Variants in KYNU observed in about 807,000 individuals in gnomAD.
The protein encoded by KYNU is L-kynurenine hydrolase.
Under a neutral mutation model 59.2 loss-of-function variants are expected in KYNU, and 54 were observed. The ratio of observed to expected loss-of-function variants is 0.91; its 90% CI spans 0.73 to 1.14. The LOEUF (loss-of-function observed/expected upper bound fraction) is 1.14, where lower values mean the gene tolerates loss of function less well. Among genes scored for constraint, KYNU ranks in the 50% most tolerant of loss-of-function variants. The probability of loss-of-function intolerance (pLI) is 0.00; values close to 1 mark genes in which losing one functional copy is unlikely to be tolerated. For synonymous variants in KYNU, 177 were observed against 192.0 expected, an observed-to-expected ratio of 0.92 and a Z score of 0.65; for missense variants, 567 against 554.4, an observed-to-expected ratio of 1.02 and a Z score of -0.23.
At chr2:143,041,503 C>CTA (rs1687059586) in intron 13 of KYNU, among the ~76,000 whole-genome samples, 1 of 151,992 alleles carries the variant, frequency 6.6e-6, no homozygotes, top group African/African-American at 2.4e-5. Flanking sequence ...CACACATAAA[C>CTA]TATATACTAT....
intron 2 of KYNU, among the ~76,000 whole-genome samples, chr2:142,887,009 A>G (rs559571489): frequency 6.6e-6 from 1 of 152,248 alleles, no homozygotes; most frequent in South Asian, 2.1e-4. Context: ...TCTCTACTAA[A>G]ACTACAAAAA....
Position 143,033,341 on chromosome 2 carries a change from A to G in KYNU, c.1041+20A>G, listed in dbSNP as rs149695101. ...TTAGAGGTAAGTGATGTGTGTTTCA[A>G]CCTTCCCACATCTTTGCGTTTTTTC... On this transcript the variant is annotated intron_variant, in intron 12 of 13. Transcript: ENST00000264170. 21 of 1,541,550 alleles carry G rather than the reference A, an allele frequency of 1.4e-5. No individual in the cohort carries two copies. The highest frequency in any genetic ancestry group is 1.1e-4 in the East Asian group (5 of 44,550).
intron 2 of KYNU, among the ~76,000 whole-genome samples, chr2:142,915,826 T>C (rs1305701019): frequency 6.6e-6 from 1 of 152,218 alleles, no homozygotes; most frequent in Admixed American, 6.5e-5. Context: ...TTATGTTCCC[T>C]AAAAATTCAT....
intron 8 of KYNU, among the ~76,000 whole-genome samples, chr2:142,964,326 C>G (rs1300752880): frequency 6.6e-6 from 1 of 151,992 alleles, no homozygotes; most frequent in East Asian, 1.9e-4. Context: ...ATTAGAATTC[C>G]TGAACCATAA....
intron 10 of KYNU, among the ~76,000 whole-genome samples, chr2:143,005,832 C>A (rs938052522): frequency 4.0e-5 from 6 of 151,890 alleles, no homozygotes; most frequent in African/African-American, 1.5e-4. Context: ...TTACAAAGAC[C>A]AGTCTGAATA....
At chr2:142,931,675 A>G (rs1195492272) in intron 4 of KYNU, among the ~76,000 whole-genome samples, 1 of 152,180 alleles carries the variant, frequency 6.6e-6, no homozygotes, top group African/African-American at 2.4e-5. Context: ...ATGAGGGCAA[A>G]AGGGAGATTT....
At chr2:142,888,692 G>C (rs1681598952) in intron 2 of KYNU, among the ~76,000 whole-genome samples, 1 of 151,724 alleles carries the variant, frequency 6.6e-6, no homozygotes, top group Non-Finnish European at 1.5e-5. Context: ...TGGTATCCTA[G>C]AGTTGGGTCA....
At chr2:142,877,981 C>T (rs1681154838) in intron 1 of KYNU, among the ~76,000 whole-genome samples, 1 of 152,116 alleles carries the variant, frequency 6.6e-6, no homozygotes, top group Admixed American at 6.6e-5. Context: ...AACTGATGAA[C>T]ATAGTGCACT....
intron 10 of KYNU, chr2:142,989,246 A>C (rs1465160849): frequency 5.2e-6 from 2 of 382,884 alleles, no homozygotes; most frequent in Non-Finnish European, 3.8e-6. Context: ...TCTATTTGCC[A>C]ATTAATAATT....
At chr2:143,013,818 C>G (rs1686179823) in intron 10 of KYNU, among the ~76,000 whole-genome samples, 2 of 152,172 alleles carry the variant, frequency 1.3e-5, no homozygotes, top group African/African-American at 4.8e-5. Flanking sequence ...AAGGGAGAGG[C>G]TTCGGACCCA....
chr2:143,034,338 G>A (rs77286525), intron 12 of KYNU, among the ~76,000 whole-genome samples: 6,086 of 151,946 alleles, frequency 0.04, 147 homozygotes, highest in Non-Finnish European at 0.051. Context: ...ATGATATTTT[G>A]GCAAAAACTT....
intron 8 of KYNU, among the ~76,000 whole-genome samples, chr2:142,970,095 A>G (rs1375257085): frequency 1.3e-5 from 2 of 152,212 alleles, no homozygotes; most frequent in African/African-American, 4.8e-5. Context: ...CAGAAAAAAA[A>G]TTCCCAATAA....
rs73961233 is a variant in KYNU, at chr2:142,973,582, T to A, written c.730-11502T>A. On this transcript the variant is annotated intron_variant, in intron 8 of 13. Coordinates refer to ENST00000264170, the MANE Select transcript of KYNU (RefSeq NM_003937.3). ...TGACCTTTGGGGTGTTTGCAGCAGC[T>A]TTCCCTCTAATTAAGAGCTTGCAAG... 3.2e-3 allele frequency among the ~76,000 whole-genome samples: 482 copies of A among 152,244 alleles called. 3 individuals are homozygous for A. Among genetic ancestry groups the A allele is most frequent in the African/African-American group, 0.011 (455 of 41,556 alleles).
At chr2:142,985,893 T>C in intron 9 of KYNU, 55 bp from the exon 10 acceptor site, 1 of 1,164,756 alleles carries the variant, frequency 8.6e-7, no homozygotes, top group Admixed American at 1.8e-5. Flanking sequence ...CTACATTGTT[T>C]AGTTTTGTCA....
At chr2:142,951,248 T>TAACA (rs891816197) in intron 4 of KYNU, among the ~76,000 whole-genome samples, 150 of 152,252 alleles carry the variant, frequency 9.9e-4, no homozygotes, top group Middle Eastern at 3.4e-3. Flanking sequence ...ACAGTTTGTT[T>TAACA]AACAAACAAA....
chr2:143,018,913 A>G (rs570148656), intron 10 of KYNU, among the ~76,000 whole-genome samples: 1 of 152,074 alleles, frequency 6.6e-6, no homozygotes, highest in South Asian at 2.1e-4. Context: ...ATGGGATTGT[A>G]TTATTGATTT....
chr2:142,952,124 C>G (rs576713288), intron 4 of KYNU, among the ~76,000 whole-genome samples: 1 of 152,032 alleles, frequency 6.6e-6, no homozygotes, highest in East Asian at 1.9e-4. Context: ...CCTCTGTCAC[C>G]CTGGCTGGAG....
intron 4 of KYNU, among the ~76,000 whole-genome samples, chr2:142,932,820 A>T (rs1172407240): frequency 6.6e-6 from 1 of 152,058 alleles, no homozygotes; most frequent in South Asian, 2.1e-4. Flanking sequence ...TGTAAGAAGG[A>T]GCTGCCGTCT....
intron 3 of KYNU, among the ~76,000 whole-genome samples, chr2:142,926,633 G>C (rs1683053092): frequency 1.3e-5 from 2 of 152,180 alleles, no homozygotes; most frequent in South Asian, 4.1e-4. Context: ...CCAGTGCGTA[G>C]ATCGCATCTT....
Sources: gnomAD v4.1 joint callset for allele counts (sites outside exome capture counted in the v4.1 genomes callset) on GRCh38, gnomAD v4.1.1 for gene constraint, MANE v1.5 for transcripts, NCBI Gene and HGNC (gene_info 2026-07-23, HGNC 2026-07-21) for gene names.